RIMS3: variants seen among roughly 807,000 people sequenced by gnomAD.
The protein encoded by RIMS3 is regulating synaptic membrane exocytosis 3.
RIMS3 carries 15 observed loss-of-function variants against 29.2 expected under a neutral mutation model. That is an observed-to-expected ratio of 0.51 (90% CI 0.34 to 0.79). The LOEUF is 0.79. RIMS3 is among the 30% of genes least tolerant of loss of function. The pLI is 0.01. For synonymous variants in RIMS3, 161 were observed against 170.1 expected (o/e 0.95, Z 0.41); for missense variants, 342 against 421.4 (o/e 0.81, Z 1.65).
At position 40,636,064 on chromosome 1, in the gene RIMS3, C is replaced by T. The variant is rs773010573; in HGVS notation, c.218-7G>A. On this transcript the variant is annotated splice_polypyrimidine_tract_variant and splice_region_variant and intron_variant, in intron 3 of 7. Transcript: ENST00000372684. The surrounding 1 kb of genome is among the most constrained non-coding windows in gnomAD (Gnocchi z 4.2). ...AGCTTCTTGGTGGCCCCTTCTGTGA[C>T]CCCCCCAACCCCAAGCACAGAGAGG... The T allele has an allele frequency of 6.2e-7, 1 of 1,601,116 alleles. No homozygotes were observed. The highest frequency in any genetic ancestry group is 8.5e-7 in the Non-Finnish European group (1 of 1,179,236).
chr1:40,632,316 T>C (rs1212266391), intron 5 of RIMS3, among the ~76,000 whole-genome samples: 2 of 151,702 alleles, frequency 1.3e-5, no homozygotes, highest in African/African-American at 2.4e-5. Context: ...ACCTGATATA[T>C]GGTACTTGAT....
At chr1:40,652,819 T>C (rs879374130) in intron 1 of RIMS3, among the ~76,000 whole-genome samples, 12 of 152,158 alleles carry the variant, frequency 7.9e-5, no homozygotes, top group Non-Finnish European at 1.6e-4. Context: ...GAAAGAAGCC[T>C]GACAGCAGGA....
chr1:40,648,784 C>T (rs1452319650), intron 1 of RIMS3, among the ~76,000 whole-genome samples: 1 of 152,192 alleles, frequency 6.6e-6, no homozygotes, highest in African/African-American at 2.4e-5. Context: ...GGATCAGGGT[C>T]CCTGCACTTT....
the RIMS3 span, chr1:40,691,238 G>C: frequency 6.4e-6 from 1 of 156,126 alleles, no homozygotes; most frequent in Non-Finnish European, 1.4e-5. Context: ...TTACAGTTTG[G>C]TGCTAAATGC....
rs142164870 is a variant in RIMS3 at position 40,621,268 on chromosome 1, G to A, written c.*5249C>T. ...AGCCTCATCTGCTGTTGGGGACACT[G>A]ACTTACTCAGGATGTAGCGGAGGTT... On this transcript the variant is annotated 3_prime_UTR_variant, in exon 8 of 8. Coordinates refer to ENST00000372684, the MANE Select transcript of RIMS3 (RefSeq NM_014747.3). The A allele has an allele frequency of 2.4e-4, 37 of 152,366 alleles. No individual in the cohort carries two copies. Among genetic ancestry groups the A allele is most frequent in the African/African-American group, 8.2e-4 (34 of 41,590 alleles). 9.4% of individuals were successfully genotyped at this position (152,366 alleles called of 1,614,324 possible).
chr1:40,691,667 G>C, the RIMS3 span: 1 of 446,954 alleles, frequency 2.2e-6, no homozygotes, highest in South Asian at 1.6e-5. Context: ...TGGGAGTCCA[G>C]GCGCCAAGGG....
the RIMS3 span, among the ~76,000 whole-genome samples, chr1:40,677,629 C>T: frequency 0.12 from 18,910 of 151,696 alleles, 2,019 homozygotes; most frequent in African/African-American, 0.29. Flanking sequence ...ACCCAGGAGG[C>T]GGAGCTTGCA....
chr1:40,691,657 T>C, the RIMS3 span: 39 of 443,638 alleles, frequency 8.8e-5, no homozygotes, highest in Middle Eastern at 1.7e-3. Flanking sequence ...CGCACGATAC[T>C]GGGAGTCCAG....
rs1646520679 is a variant in RIMS3, at chr1:40,636,430, T to C, written c.218-373A>G. Among the ~76,000 whole-genome samples, 1 of 152,008 alleles carries C rather than the reference T, an allele frequency of 6.6e-6. No individual in the cohort carries two copies. The highest frequency in any genetic ancestry group is 2.4e-5 in the African/African-American group (1 of 41,254). The stretch of plus-strand genomic sequence containing the variant: ...TTGCCCCAAAGGTTAAGTGTGCCTC[T>C]TCCCACTCTCTTCTGGAAAGTTCAT... On this transcript the variant is annotated intron_variant, in intron 3 of 7. Coordinates refer to ENST00000372684, the MANE Select transcript of RIMS3 (RefSeq NM_014747.3). This position sits in a 1 kb window ranked among gnomAD's most constrained non-coding sequence, Gnocchi z 4.2.
chr1:40,646,739 A>G (rs1164324405), intron 2 of RIMS3, among the ~76,000 whole-genome samples: 1 of 152,048 alleles, frequency 6.6e-6, no homozygotes, highest in Non-Finnish European at 1.5e-5. Flanking sequence ...TAGCCCTTGG[A>G]TGTTTGGCCT....
intron 5 of RIMS3, among the ~76,000 whole-genome samples, chr1:40,630,530 G>A (rs989624172): frequency 3.9e-5 from 6 of 152,134 alleles, no homozygotes; most frequent in Non-Finnish European, 7.4e-5. Context: ...TGTGTACTAC[G>A]GAAGATGGGG....
At chr1:40,687,667 C>A in the RIMS3 span, 1 of 150,790 alleles carries the variant, frequency 6.6e-6, no homozygotes, top group African/African-American at 2.4e-5. Flanking sequence ...ACTTCTACCA[C>A]TCACTTCCCG....
rs1287002327 is a variant in RIMS3 at position 40,625,689 on chromosome 1, G to A, written c.*828C>T. On this transcript the variant is annotated 3_prime_UTR_variant, in exon 8 of 8. Coordinates refer to ENST00000372684, the MANE Select transcript of RIMS3 (RefSeq NM_014747.3). ...CCAGGCCCACTGGCAGAGCTCCTTC[G>A]GCACGGTGGAGTGGGGAGGCTTGAA... 1.3e-5 allele frequency: 2 copies of A among 152,488 alleles called. No homozygotes were observed. Among genetic ancestry groups the A allele is most frequent in the East Asian group, 1.9e-4 (1 of 5,186 alleles). The allele number at this position is 152,488 out of a possible 1,614,324, so 9.4% of individuals were successfully genotyped here.
At chr1:40,633,520 C>G (rs1646502228) in intron 4 of RIMS3, among the ~76,000 whole-genome samples, 1 of 152,340 alleles carries the variant, frequency 6.6e-6, no homozygotes, top group Non-Finnish European at 1.5e-5. Context: ...CATATCAGTG[C>G]TAAGAACCAG....
At chr1:40,690,891 TTC>T in the RIMS3 span, 3 of 152,258 alleles carry the variant, frequency 2.0e-5, no homozygotes, top group Non-Finnish European at 4.4e-5. Flanking sequence ...GGTAATTCCA[TTC>T]AAGACACATT....
chr1:40,689,335 G>A, the RIMS3 span, among the ~76,000 whole-genome samples: 1 of 152,108 alleles, frequency 6.6e-6, no homozygotes, highest in African/African-American at 2.4e-5. Context: ...AGGCTGGAGT[G>A]CAGTGGCGTG....
the RIMS3 span, among the ~76,000 whole-genome samples, chr1:40,684,427 C>A: frequency 1.1e-4 from 16 of 152,268 alleles, no homozygotes; most frequent in East Asian, 3.9e-4. Context: ...TATTTCAAAT[C>A]TTTAGAAGGG....
At chr1:40,661,828 C>A (rs982648662) in intron 1 of RIMS3, among the ~76,000 whole-genome samples, 3 of 152,244 alleles carry the variant, frequency 2.0e-5, no homozygotes, top group African/African-American at 7.2e-5. Context: ...TGGTGCAAAA[C>A]CCTGCCTCTT....
upstream of RIMS3, among the ~76,000 whole-genome samples, chr1:40,667,804 A>ATTTT (rs201453012): frequency 0.019 from 2,901 of 152,338 alleles, 99 homozygotes; most frequent in African/African-American, 0.066. Context: ...AAATGGATCC[A>ATTTT]GCCCCACAAG....
Sources: allele counts gnomAD v4.1 joint callset (sites outside exome capture counted in the v4.1 genomes callset), GRCh38; gene constraint gnomAD v4.1.1; non-coding constraint Gnocchi (gnomAD v3.1); transcripts MANE v1.5; gene names NCBI Gene and HGNC (gene_info 2026-07-23, HGNC 2026-07-21).